PAM: variants seen among roughly 807,000 people sequenced by gnomAD.
PAM encodes peptidyl-glycine alpha-amidating monooxygenase.
In PAM, 72 loss-of-function variants were observed where a neutral mutation model predicts 122.1. The ratio of observed to expected loss-of-function variants is 0.59; its 90% confidence interval spans 0.49 to 0.72. PAM has a LOEUF of 0.72. Among genes scored for constraint, PAM ranks in the 30% least tolerant of loss-of-function variants. The probability of loss-of-function intolerance (pLI) is 0.00; values close to 1 mark genes in which losing one functional copy is unlikely to be tolerated. For missense variants in PAM, 1,106 were observed against 1,183.7 expected (o/e 0.93, Z 0.96); for synonymous variants, 389 against 404.4 (o/e 0.96, Z 0.46).
At chr5:102,992,223 T>A (rs1774293181) in intron 16 of PAM, among the ~76,000 whole-genome samples, 1 of 152,174 alleles carries the variant, frequency 6.6e-6, no homozygotes, top group Admixed American at 6.5e-5. Context: ...TTTGCCCTGA[T>A]AAATGACATC....
chr5:102,803,133 G>C lies in PAM; in HGVS notation c.-374+47785G>C, dbSNP rs565085662. On this transcript the variant is annotated intron_variant, in intron 1 of 25. Coordinates refer to ENST00000438793, the MANE Select transcript of PAM (RefSeq NM_001177306.2). Reference sequence around the variant, plus strand: ...GAGAGATTCTGTGTCCAAAAAAAAAGAAAGAAAGAAAGAAAGGAAGGAAGG... The same window carrying C: ...GAGAGATTCTGTGTCCAAAAAAAAACAAAGAAAGAAAGAAAGGAAGGAAGG... Among the ~76,000 whole-genome samples the C allele has an allele frequency of 3.7e-4, 47 of 127,894 alleles. 2 individuals are homozygous for C. Among genetic ancestry groups the C allele is most frequent in the Middle Eastern group, 4.0e-3 (1 of 250 alleles). 83.9% of individuals were successfully genotyped at this position (127,894 alleles called of 152,430 possible). A position where few individuals can be genotyped will look rare whatever the true frequency, so the allele number is the denominator to read the frequency against.
At chr5:102,850,949 G>C (rs1294497768) in intron 1 of PAM, among the ~76,000 whole-genome samples, 1 of 152,076 alleles carries the variant, frequency 6.6e-6, no homozygotes, top group East Asian at 1.9e-4. Context: ...GACAAATGTG[G>C]GGCGACAGGA....
At chr5:102,844,568 T>C (rs1258052579) in intron 1 of PAM, among the ~76,000 whole-genome samples, 1 of 152,040 alleles carries the variant, frequency 6.6e-6, no homozygotes, top group South Asian at 2.1e-4. Flanking sequence ...CTGGGGAGTC[T>C]ATGGTCAGAG....
intron 1 of PAM, among the ~76,000 whole-genome samples, chr5:102,839,871 A>G (rs187880359): frequency 1.3e-5 from 2 of 152,322 alleles, no homozygotes; most frequent in African/African-American, 4.8e-5. Flanking sequence ...AGGAATAGAA[A>G]GAACTTTCTT....
At chr5:102,868,054 G>C (rs1309068579) in intron 3 of PAM, among the ~76,000 whole-genome samples, 1 of 152,196 alleles carries the variant, frequency 6.6e-6, no homozygotes, top group Non-Finnish European at 1.5e-5. Context: ...ACCCACTGCT[G>C]TCATGTGTGC....
chr5:102,948,432 A>G lies in PAM; in HGVS notation c.630A>G (p.Pro210=). The G allele has an allele frequency of 6.4e-7, 1 of 1,557,372 alleles. No homozygotes were observed. Among genetic ancestry groups the G allele is most frequent in the Non-Finnish European group, 8.8e-7 (1 of 1,130,166 alleles). Residue 210 remains proline, a synonymous_variant, in exon 9 of 26, where the codon CCA becomes CCG. Transcript: ENST00000438793. ...YLMMSVDTVI[P]AGEKVVNSDI... ...TGATGTCTGTTGACACTGTTATCCC[A>G]GCAGGAGAAAAAGGTGAGTAATGAT...
intron 1 of PAM, among the ~76,000 whole-genome samples, chr5:102,777,702 T>G (rs194472): frequency 0.45 from 67,700 of 151,842 alleles, 15,514 homozygotes; most frequent in African/African-American, 0.55. Context: ...GTGAGGAACA[T>G]GGAATGTCAC....
intron 24 of PAM, among the ~76,000 whole-genome samples, chr5:103,026,651 T>C (rs1785015950): frequency 6.6e-6 from 1 of 152,200 alleles, no homozygotes; most frequent in South Asian, 2.1e-4. Flanking sequence ...AGTACTGATA[T>C]GTCCCCAGCA....
intron 1 of PAM, among the ~76,000 whole-genome samples, chr5:102,854,564 T>C (rs187772577): frequency 6.6e-6 from 1 of 152,276 alleles, no homozygotes; most frequent in Admixed American, 6.5e-5. Context: ...ACCTCGGATG[T>C]GTCTTAGGCC....
At chr5:102,864,759 A>G (rs1189955718) in intron 1 of PAM, among the ~76,000 whole-genome samples, 3 of 152,200 alleles carry the variant, frequency 2.0e-5, no homozygotes, top group Non-Finnish European at 4.4e-5. Flanking sequence ...AACGATGTTT[A>G]TAGTTACTGA....
At chr5:103,007,165 T>TCACACA (rs113747381) in intron 19 of PAM, among the ~76,000 whole-genome samples, 154 bp downstream of exon 19, 8 of 140,762 alleles carry the variant, frequency 5.7e-5, no homozygotes, top group African/African-American at 2.2e-4. Context: ...AGCTTGTCTC[T>TCACACA]CACACACACA....
At chr5:102,864,719 C>T (rs1008932556) in intron 1 of PAM, among the ~76,000 whole-genome samples, 1 of 152,098 alleles carries the variant, frequency 6.6e-6, no homozygotes, top group Admixed American at 6.6e-5. Context: ...TGTTACACAT[C>T]TTCCCATCAA....
intron 16 of PAM, among the ~76,000 whole-genome samples, chr5:103,000,443 T>A (rs1777055824): frequency 6.6e-6 from 1 of 152,236 alleles, no homozygotes; most frequent in South Asian, 2.1e-4. Context: ...TGTCTTCTTC[T>A]GAGCCCTCCA....
chr5:102,793,655 G>C (rs1331880909), intron 1 of PAM, among the ~76,000 whole-genome samples: 2 of 152,096 alleles, frequency 1.3e-5, no homozygotes, highest in Non-Finnish European at 2.9e-5. Flanking sequence ...TTTTTTCAAA[G>C]CTCAGACAAG....
At chr5:102,783,282 C>A (rs1759564038) in intron 1 of PAM, among the ~76,000 whole-genome samples, 1 of 147,292 alleles carries the variant, frequency 6.8e-6, no homozygotes, top group Non-Finnish European at 1.5e-5. Flanking sequence ...TTCAAATAAA[C>A]AATAAATAAT....
intron 5 of PAM, among the ~76,000 whole-genome samples, chr5:102,923,244 A>T (rs2151693722): frequency 6.6e-6 from 1 of 152,320 alleles, no homozygotes; most frequent in Middle Eastern, 3.4e-3. Flanking sequence ...AAAATACGGT[A>T]AGAGTCCCTG....
In PAM at chr5:102,796,340, G is replaced by A. The variant is rs116584740; in HGVS notation, c.-374+40992G>A. ...ATCGATCTGTGCCTCTGCAACCAGGGAATCTGACATGGTACCAAAATGTTT... is the reference window on the plus strand; with the variant it reads ...ATCGATCTGTGCCTCTGCAACCAGGAAATCTGACATGGTACCAAAATGTTT... On this transcript the variant is annotated intron_variant, in intron 1 of 25. Transcript: ENST00000438793. 2.1e-3 allele frequency among the ~76,000 whole-genome samples: 326 copies of A among 152,236 alleles called. 1 individual carries two copies. Among genetic ancestry groups the A allele is most frequent in the African/African-American group, 7.5e-3 (311 of 41,528 alleles).
At chr5:102,811,484 A>AT (rs1489412098) in intron 1 of PAM, among the ~76,000 whole-genome samples, 1 of 152,174 alleles carries the variant, frequency 6.6e-6, no homozygotes, top group African/African-American at 2.4e-5. Context: ...TAGAAGAGTC[A>AT]TGTCATTAGA....
intron 14 of PAM, among the ~76,000 whole-genome samples, chr5:102,973,850 A>C (rs890484699): frequency 6.6e-5 from 10 of 152,136 alleles, no homozygotes; most frequent in Non-Finnish European, 1.5e-4. Flanking sequence ...ATTTATTGAA[A>C]TGTGCCATGC....
Sources: gnomAD v4.1 joint callset for allele counts (sites outside exome capture counted in the v4.1 genomes callset) on GRCh38, gnomAD v4.1.1 for gene constraint, MANE v1.5 for transcripts, NCBI Gene and HGNC (gene_info 2026-07-23, HGNC 2026-07-21) for gene names.